Variants in CACNA2D3 observed in about 807,000 individuals in gnomAD.
The protein encoded by CACNA2D3 is calcium voltage-gated channel auxiliary subunit alpha2delta 3.
Under a neutral mutation model 160.6 loss-of-function variants are expected in CACNA2D3, and 60 were observed. The observed-to-expected ratio is 0.37, with a 90% confidence interval of 0.30 to 0.46. The LOEUF (loss-of-function observed/expected upper bound fraction) is 0.46, where lower values mean the gene tolerates loss of function less well. CACNA2D3 is among the 20% of genes least tolerant of loss of function. CACNA2D3 has a pLI of 1.00. For missense variants in CACNA2D3, 1,205 were observed against 1,365.0 expected, an observed-to-expected ratio of 0.88 and a Z score of 1.85; for synonymous variants, 558 against 492.9, an observed-to-expected ratio of 1.13 and a Z score of -1.75.
intron 2 of CACNA2D3, among the ~76,000 whole-genome samples, chr3:54,260,286 A>G (rs1231420704): frequency 1.3e-5 from 2 of 152,090 alleles, no homozygotes; most frequent in African/African-American, 2.4e-5. Context: ...GTCTTAATCT[A>G]TTTTCTGTTG....
chr3:54,154,126 G>C (rs561427430), intron 2 of CACNA2D3, among the ~76,000 whole-genome samples: 3 of 152,226 alleles, frequency 2.0e-5, no homozygotes, highest in African/African-American at 7.2e-5. Context: ...ACTCTCTTTA[G>C]CTAATTTTAA....
chr3:54,537,424 T>A (rs1381420479), intron 5 of CACNA2D3, among the ~76,000 whole-genome samples: 1 of 152,074 alleles, frequency 6.6e-6, no homozygotes, highest in African/African-American at 2.4e-5. Context: ...GGGGGTGTAA[T>A]AGCACTCCCT....
chr3:54,944,396 G>A (rs1172741806), intron 27 of CACNA2D3, among the ~76,000 whole-genome samples: 3 of 148,634 alleles, frequency 2.0e-5, no homozygotes, highest in African/African-American at 5.0e-5. Context: ...ATTTCCCAGG[G>A]TATTTATTTA....
chr3:54,154,286 G>T (rs189703005), intron 2 of CACNA2D3, among the ~76,000 whole-genome samples: 8 of 152,214 alleles, frequency 5.3e-5, no homozygotes, highest in Admixed American at 3.9e-4. Flanking sequence ...ACTAATCTCA[G>T]CACTTACATG....
rs66526065 is a variant in CACNA2D3, at chr3:54,554,870, CTTTTTTTTTT to C, written c.545-7918_545-7909del. 2.2e-4 allele frequency among the ~76,000 whole-genome samples: 21 copies of C among 96,170 alleles called. 1 individual carries two copies. Among genetic ancestry groups the C allele is most frequent in the African/African-American group, 8.1e-4 (19 of 23,600 alleles). The allele number at this position is 96,170 out of a possible 152,430, so 63.1% of individuals were successfully genotyped here. A position where few individuals can be genotyped will look rare whatever the true frequency, so the allele number is the denominator to read the frequency against. On this transcript the variant is annotated intron_variant, in intron 5 of 37. Transcript: ENST00000474759. ...TTTCTTTTCTTTTCTCTCTCACTCTCTTTTTTTTTTTTTTTTTTTTTGGAGACAAGGTCTC... is the reference window on the plus strand; with the variant it reads ...TTTCTTTTCTTTTCTCTCTCACTCTCTTTTTTTTTTTGGAGACAAGGTCTC...
chr3:54,720,822 C>G (rs1488448182), intron 11 of CACNA2D3, among the ~76,000 whole-genome samples: 1 of 152,024 alleles, frequency 6.6e-6, no homozygotes, highest in African/African-American at 2.4e-5. Flanking sequence ...CGAATCAGCT[C>G]TTTTATTATT....
At chr3:54,450,977 A>T (rs1386928383) in intron 4 of CACNA2D3, among the ~76,000 whole-genome samples, 1 of 152,082 alleles carries the variant, frequency 6.6e-6, no homozygotes, top group Non-Finnish European at 1.5e-5. Flanking sequence ...TCCTACTCCA[A>T]ATGGGAGGAA....
intron 31 of CACNA2D3, among the ~76,000 whole-genome samples, chr3:54,992,539 A>G (rs1702763828): frequency 6.6e-6 from 1 of 151,816 alleles, no homozygotes. Flanking sequence ...CACAACTTCT[A>G]CCTTTCTCTG....
intron 35 of CACNA2D3, 51 bp downstream of exon 35, chr3:55,018,368 G>A: frequency 8.7e-7 from 1 of 1,154,336 alleles, no homozygotes; most frequent in Non-Finnish European, 1.3e-6. Context: ...GCTCAGCACA[G>A]AACTTTCCCA....
intron 2 of CACNA2D3, among the ~76,000 whole-genome samples, chr3:54,266,326 A>G (rs1702516560): frequency 6.6e-6 from 1 of 152,238 alleles, no homozygotes; most frequent in Non-Finnish European, 1.5e-5. Flanking sequence ...TCTAGTTATT[A>G]TCTCAGACAA....
At chr3:54,992,284 T>C (rs1184556864) in intron 31 of CACNA2D3, among the ~76,000 whole-genome samples, 2 of 152,086 alleles carry the variant, frequency 1.3e-5, no homozygotes, top group Non-Finnish European at 2.9e-5. Context: ...TGCAGCAAAA[T>C]AGGATGAAAA....
intron 9 of CACNA2D3, among the ~76,000 whole-genome samples, chr3:54,590,814 A>T (rs1702844644): frequency 6.6e-6 from 1 of 152,190 alleles, no homozygotes; most frequent in Non-Finnish European, 1.5e-5. Flanking sequence ...TAATTAAAAA[A>T]TAATCTGCAG....
intron 11 of CACNA2D3, among the ~76,000 whole-genome samples, chr3:54,702,708 T>A (rs1188754859): frequency 1.3e-5 from 2 of 152,180 alleles, no homozygotes; most frequent in African/African-American, 2.4e-5. Flanking sequence ...ACAGAACTAC[T>A]ATTCAACCCA....
chr3:54,144,825 G>C (rs1475528368), intron 2 of CACNA2D3, among the ~76,000 whole-genome samples: 2 of 152,184 alleles, frequency 1.3e-5, no homozygotes, highest in Admixed American at 6.5e-5. Flanking sequence ...CACACAGTAA[G>C]GGCTCAGTAA....
intron 13 of CACNA2D3, among the ~76,000 whole-genome samples, chr3:54,786,317 A>G (rs1250755865): frequency 6.6e-6 from 1 of 152,212 alleles, no homozygotes; most frequent in Non-Finnish European, 1.5e-5. Flanking sequence ...TACAAATGGT[A>G]ATATGGATGA....
intron 35 of CACNA2D3, among the ~76,000 whole-genome samples, chr3:55,036,912 G>T (rs1341410557): frequency 1.3e-5 from 2 of 152,056 alleles, no homozygotes; most frequent in South Asian, 2.1e-4. Context: ...ATCATCTGGG[G>T]TGCCTATAGA....
chr3:54,671,177 T>C (rs575299440), intron 11 of CACNA2D3, among the ~76,000 whole-genome samples: 1 of 151,828 alleles, frequency 6.6e-6, no homozygotes, highest in Admixed American at 6.6e-5. Context: ...AGTTAACATA[T>C]ATTAATCATT....
In CACNA2D3 at chr3:54,353,903, C is replaced by T. The variant is rs141300191; in HGVS notation, c.322-32812C>T. Among the ~76,000 whole-genome samples the T allele has an allele frequency of 4.3e-3, 655 of 152,314 alleles. 2 individuals carry two copies. Among genetic ancestry groups the T allele is most frequent in the Middle Eastern group, 0.01 (3 of 294 alleles). ...TGGTTCTGTACTAAGGAGAACTATTCTTCCGTTTAGAAGTTCTTCCTGGCA... is the reference window on the plus strand; with the variant it reads ...TGGTTCTGTACTAAGGAGAACTATTTTTCCGTTTAGAAGTTCTTCCTGGCA... On this transcript the variant is annotated intron_variant, in intron 3 of 37. Transcript: ENST00000474759.
intron 5 of CACNA2D3, among the ~76,000 whole-genome samples, chr3:54,541,934 GT>G (rs1191298983): frequency 5.6e-4 from 83 of 149,170 alleles, no homozygotes; most frequent in South Asian, 1.1e-3. Context: ...AAGGGTGTGT[GT>G]GGGTTTTTTT....
Sources: gnomAD v4.1 joint callset for allele counts (sites outside exome capture counted in the v4.1 genomes callset) on GRCh38, gnomAD v4.1.1 for gene constraint, MANE v1.5 for transcripts, NCBI Gene and HGNC (gene_info 2026-07-23, HGNC 2026-07-21) for gene names.